TAOK1: variants seen among roughly 807,000 people sequenced by gnomAD.
TAOK1 encodes the protein TAO kinase 1.
A neutral mutation model predicts 138.3 loss-of-function variants in TAOK1; 21 were observed. That is an observed-to-expected ratio of 0.15 (90% CI 0.11 to 0.22). The LOEUF (loss-of-function observed/expected upper bound fraction) is 0.22, where lower values mean the gene tolerates loss of function less well. TAOK1 is among the 10% of genes least tolerant of loss of function. The pLI is 1.00. For missense variants in TAOK1, 651 were observed against 1,227.7 expected, an observed-to-expected ratio of 0.53 and a Z score of 7.02; for synonymous variants, 361 against 398.4, an observed-to-expected ratio of 0.91 and a Z score of 1.12.
intron 12 of TAOK1, among the ~76,000 whole-genome samples, chr17:29,499,116 T>TA (rs2031466635): frequency 1.3e-5 from 2 of 151,986 alleles, no homozygotes; most frequent in South Asian, 2.1e-4. Context: ...AATAAAATAC[T>TA]AAAAAATAGG....
In TAOK1 at chr17:29,547,956, A is replaced by G. The variant is rs948859677; in HGVS notation, c.*4934A>G. Reference sequence around the variant, plus strand: ...GTTATGTTGTCTGCACTTTTATGAAATCACTACAATAGGTCTGCATTGGAA... The same window carrying G: ...GTTATGTTGTCTGCACTTTTATGAAGTCACTACAATAGGTCTGCATTGGAA... On this transcript the variant is annotated 3_prime_UTR_variant, in exon 20 of 20. Coordinates refer to ENST00000261716, the MANE Select transcript of TAOK1 (RefSeq NM_020791.4). 4 of 152,134 alleles carry G rather than the reference A, an allele frequency of 2.6e-5. No homozygotes were observed. Among genetic ancestry groups the G allele is most frequent in the African/African-American group, 7.2e-5 (3 of 41,442 alleles). 9.4% of individuals were successfully genotyped at this position (152,134 alleles called of 1,614,324 possible). A position where few individuals can be genotyped will look rare whatever the true frequency, so the allele number is the denominator to read the frequency against.
Position 29,489,690 on chromosome 17 carries a change from A to G in TAOK1, c.682A>G (p.Met228Val). The change falls in exon 9 of 20, where the codon ATG (methionine) becomes GTG (valine). Residue 228 changes from methionine to valine, a missense_variant. By Grantham distance (21) the Met-to-Val change is conservative. Around this residue, in one of 8 missense-constraint regions of TAOK1, gnomAD observed 20 missense variants for 88.6 expected, o/e 0.23. Transcript: ENST00000261716. ...LAERKPPLFN[M>V]NAMSALYHIA... ...GGAAAGGAAGCCTCCTTTATTTAAT[A>G]TGAATGCAATGAGTGCCTTATATCA... 1 of 1,609,826 alleles carries G rather than the reference A, an allele frequency of 6.2e-7. No homozygotes were observed.
At chr17:29,415,671 C>T (rs1056229986) in intron 1 of TAOK1, among the ~76,000 whole-genome samples, 11 of 152,130 alleles carry the variant, frequency 7.2e-5, no homozygotes, top group African/African-American at 2.7e-4. Flanking sequence ...TTCTAATTCT[C>T]AAAGAGGTCT....
Position 29,407,853 on chromosome 17 carries a change from A to G in TAOK1, c.-95+16829A>G, listed in dbSNP as rs1297269133. Among the ~76,000 whole-genome samples the G allele has an allele frequency of 2.6e-5, 4 of 151,578 alleles. No individual in the cohort carries two copies. In the East Asian group the frequency reaches 5.9e-4, roughly 22 times the overall value. The stretch of plus-strand genomic sequence containing the variant: ...TCTCCTTATTTACCTACCTATTTCA[A>G]TGTTAATAACATGTTTTGTTTAGTT... On this transcript the variant is annotated intron_variant, in intron 1 of 19. Coordinates refer to ENST00000261716, the MANE Select transcript of TAOK1 (RefSeq NM_020791.4).
At position 29,545,146 on chromosome 17, in the gene TAOK1, C is replaced by T. The variant is rs115413537; in HGVS notation, c.*2124C>T. The T allele has an allele frequency of 6.6e-5, 10 of 152,236 alleles. No homozygotes were observed. The highest frequency in any genetic ancestry group is 1.4e-4 in the African/African-American group (6 of 41,556). 9.4% of individuals were successfully genotyped at this position (152,236 alleles called of 1,614,324 possible). On this transcript the variant is annotated 3_prime_UTR_variant, in exon 20 of 20. Transcript: ENST00000261716. ...TCTTTCAGCCCATGCTCCAGGTCAC[C>T]GGTTTTTAGGTAAACATGACATGAC...
intron 1 of TAOK1, among the ~76,000 whole-genome samples, chr17:29,399,221 G>A (rs1253314206): frequency 1.3e-5 from 2 of 152,056 alleles, no homozygotes; most frequent in Admixed American, 6.6e-5. Context: ...CTGAGCTCAA[G>A]TGGTTCCACC....
At chr17:29,538,294 T>C (rs2032258645) in intron 19 of TAOK1, among the ~76,000 whole-genome samples, 2 of 152,160 alleles carry the variant, frequency 1.3e-5, no homozygotes, top group African/African-American at 2.4e-5. Flanking sequence ...ATGTGATAGG[T>C]TGATTTTTTT....
intron 12 of TAOK1, 86 bp downstream of exon 12, chr17:29,498,607 A>G (rs534835532): frequency 3.0e-5 from 45 of 1,500,112 alleles, no homozygotes; most frequent in Middle Eastern, 2.2e-4. Context: ...AAGAAGGAAG[A>G]TAAGGAAGTT....
rs139374009 is a variant in TAOK1, at chr17:29,544,747, C to T, written c.*1725C>T. ...ATCAGAGTTTCTTACAAGTTATTGT[C>T]CTGCTCCCTTCCAAGTTGTCTTGAA... On this transcript the variant is annotated 3_prime_UTR_variant, in exon 20 of 20. Coordinates refer to ENST00000261716, the MANE Select transcript of TAOK1 (RefSeq NM_020791.4). 6.6e-6 allele frequency: 1 copy of T among 152,256 alleles called. No homozygotes were observed. Among genetic ancestry groups the T allele is most frequent in the East Asian group, 1.9e-4 (1 of 5,186 alleles). 9.4% of individuals were successfully genotyped at this position (152,256 alleles called of 1,614,324 possible). A position where few individuals can be genotyped will look rare whatever the true frequency, so the allele number is the denominator to read the frequency against.
At chr17:29,522,926 T>C (rs985297587) in intron 17 of TAOK1, among the ~76,000 whole-genome samples, 1 of 151,960 alleles carries the variant, frequency 6.6e-6, no homozygotes, top group Non-Finnish European at 1.5e-5. Flanking sequence ...AATACAAAAA[T>C]TAGTTGGGTG....
chr17:29,492,864 G>A (rs189204482), intron 10 of TAOK1, among the ~76,000 whole-genome samples: 6 of 152,274 alleles, frequency 3.9e-5, no homozygotes, highest in Admixed American at 3.9e-4. Context: ...TAGTAGGCTG[G>A]GCACGGTGGC....
At chr17:29,419,274 G>C (rs558910313) in intron 1 of TAOK1, among the ~76,000 whole-genome samples, 1 of 151,810 alleles carries the variant, frequency 6.6e-6, no homozygotes, top group South Asian at 2.1e-4. Context: ...TCGGCTCACC[G>C]CAACCTCCGC....
chr17:29,478,466 TA>T (rs1349174004), intron 6 of TAOK1, 119 bp downstream of exon 6: 6 of 624,152 alleles, frequency 9.6e-6, no homozygotes, highest in Admixed American at 7.1e-5. Context: ...TATAAGCTCA[TA>T]TTTTTTTAGA....
At chr17:29,410,635 G>GTTT (rs1207404073) in intron 1 of TAOK1, among the ~76,000 whole-genome samples, 26 of 136,868 alleles carry the variant, frequency 1.9e-4, no homozygotes, top group South Asian at 2.3e-4. Flanking sequence ...TTTTTTTTTG[G>GTTT]TTTTTTTTTT....
At chr17:29,484,636 G>A (rs330156) in intron 8 of TAOK1, among the ~76,000 whole-genome samples, 8 of 151,650 alleles carry the variant, frequency 5.3e-5, no homozygotes, top group African/African-American at 1.7e-4. Context: ...ACAGAGTCTC[G>A]CTCTGTTGTC....
At chr17:29,475,556 A>G (rs1018554787) in intron 3 of TAOK1, 114 bp from the exon 4 acceptor site, 2 of 715,592 alleles carry the variant, frequency 2.8e-6, no homozygotes, top group Non-Finnish European at 4.5e-6. Flanking sequence ...AGTAAAACCA[A>G]GCAAAGTTGC....
rs150184581 is a variant in TAOK1 at position 29,519,216 on chromosome 17, A to T, written c.1908+1560A>T. 2.2e-4 allele frequency among the ~76,000 whole-genome samples: 33 copies of T among 152,282 alleles called. No individual in the cohort carries two copies. The South Asian group carries it at 5.6e-3, about 26-fold the overall frequency. On this transcript the variant is annotated intron_variant, in intron 16 of 19. Transcript: ENST00000261716. ...TTGTAGAAACTCTTCTGCCAATGAA[A>T]ACAGTTATTCTTGGCTGGGTGTGAT...
chr17:29,478,535 A>G (rs2030993061), intron 6 of TAOK1, among the ~76,000 whole-genome samples, 188 bp downstream of exon 6: 1 of 152,200 alleles, frequency 6.6e-6, no homozygotes, highest in Non-Finnish European at 1.5e-5. Context: ...GATAATTTTT[A>G]TCTTTGCCTA....
intron 2 of TAOK1, among the ~76,000 whole-genome samples, chr17:29,453,597 GAC>G (rs1439717039): frequency 2.7e-5 from 4 of 150,762 alleles, no homozygotes; most frequent in Non-Finnish European, 5.9e-5. Flanking sequence ...GTTGTTTTGA[GAC>G]AGAGCGTCGC....
Sources: allele counts gnomAD v4.1 joint callset (sites outside exome capture counted in the v4.1 genomes callset), GRCh38; gene constraint gnomAD v4.1.1; regional missense constraint gnomAD v4.1.1; transcripts MANE v1.5; gene names NCBI Gene and HGNC (gene_info 2026-07-23, HGNC 2026-07-21).